Variants in CFAP53 observed in about 807,000 individuals in gnomAD.
The protein encoded by CFAP53 is cilia and flagella associated protein 53.
CFAP53 carries 62 observed loss-of-function variants against 59.7 expected under a neutral mutation model. The ratio of observed to expected loss-of-function variants is 1.04; its 90% CI spans 0.85 to 1.28. CFAP53 has a LOEUF of 1.28. Among genes scored for constraint, CFAP53 ranks in the 50% most tolerant of loss-of-function variants. CFAP53 has a pLI of 0.00. For missense variants in CFAP53, 629 were observed against 615.6 expected (o/e 1.02, Z -0.23); for synonymous variants, 218 against 205.7 (o/e 1.06, Z -0.51).
intron 6 of CFAP53, among the ~76,000 whole-genome samples, chr18:50,239,943 A>G (rs2033672975): frequency 6.6e-6 from 1 of 152,248 alleles, no homozygotes; most frequent in South Asian, 2.1e-4. Flanking sequence ...TATAACATTT[A>G]TCACTTGTTA....
intron 7 of CFAP53, among the ~76,000 whole-genome samples, chr18:50,237,279 TA>T (rs2033642969): frequency 8.9e-6 from 1 of 112,838 alleles, no homozygotes; most frequent in Non-Finnish European, 1.7e-5. Context: ...CACTCCAGCC[TA>T]GGTGACAGAG....
In CFAP53 at chr18:50,262,053, A is replaced by C; in HGVS notation, c.236T>G (p.Val79Gly). The change falls in exon 2 of 8, where the codon GTG becomes GGG. Residue 79 changes from valine (V) to glycine (G), a missense_variant. Coordinates refer to ENST00000398545, the MANE Select transcript of CFAP53 (RefSeq NM_145020.5). ...HNDCKILDSLVRARIKDAVQG... is the reference protein window; with the variant it reads ...HNDCKILDSLGRARIKDAVQG... Reference sequence around the variant, plus strand: ...CACAGCATCCTTGATTCTTGCTCGCACAAGGCTGTCCAAAATCTTGCAGTC... The same window carrying C: ...CACAGCATCCTTGATTCTTGCTCGCCCAAGGCTGTCCAAAATCTTGCAGTC... The C allele has an allele frequency of 6.2e-7, 1 of 1,614,198 alleles. No homozygotes were observed. The highest frequency in any genetic ancestry group is 8.5e-7 in the Non-Finnish European group (1 of 1,180,024).
rs1452228417 is a variant in CFAP53, at chr18:50,236,006, C to CAA, written c.1316+2596_1316+2597insTT. On this transcript the variant is annotated intron_variant, in intron 7 of 7. Coordinates refer to ENST00000398545, the MANE Select transcript of CFAP53 (RefSeq NM_145020.5). ...TCAGGCTGGTGGAACCAGGATAAAG[C>CAA]AGAGATAAAGCAGTAAGCTATAGGT... 1.6e-4 allele frequency among the ~76,000 whole-genome samples: 24 copies of CAA among 152,262 alleles called. No homozygotes were observed. The East Asian group carries it at 4.0e-3, about 26-fold the overall frequency.
intron 5 of CFAP53, among the ~76,000 whole-genome samples, chr18:50,249,336 A>G (rs1476892129): frequency 6.6e-6 from 1 of 151,900 alleles, no homozygotes; most frequent in Admixed American, 6.6e-5. Context: ...TGGGCAGCAT[A>G]GTGAGACCCC....
intron 1 of CFAP53, among the ~76,000 whole-genome samples, chr18:50,265,445 T>A (rs565345894): frequency 3.7e-4 from 56 of 152,140 alleles, no homozygotes; most frequent in African/African-American, 1.3e-3. Context: ...AAAAAAAAAA[T>A]CTGAAATCCT....
At chr18:50,234,040 C>T (rs946052435) in intron 7 of CFAP53, among the ~76,000 whole-genome samples, 10 of 152,182 alleles carry the variant, frequency 6.6e-5, no homozygotes, top group African/African-American at 2.4e-4. Flanking sequence ...GTAAGGCTCA[C>T]CTCTGCATCA....
At chr18:50,248,968 C>T (rs1405824311) in intron 5 of CFAP53, among the ~76,000 whole-genome samples, 1 of 151,150 alleles carries the variant, frequency 6.6e-6, no homozygotes, top group Non-Finnish European at 1.5e-5. Flanking sequence ...ATTGGGAGGC[C>T]GAGGCAGGTT....
At chr18:50,246,352 A>G (rs1259743201) in intron 5 of CFAP53, among the ~76,000 whole-genome samples, 1 of 152,238 alleles carries the variant, frequency 6.6e-6, no homozygotes, top group East Asian at 1.9e-4. Flanking sequence ...GACAAGGGTG[A>G]TAAGACAATT....
chr18:50,250,236 AAG>A (rs1260861364), intron 5 of CFAP53, among the ~76,000 whole-genome samples: 1 of 92,198 alleles, frequency 1.1e-5, no homozygotes, highest in African/African-American at 4.0e-5. Context: ...AAAAAAAAAA[AAG>A]AGAGAGAGAG....
intron 3 of CFAP53, among the ~76,000 whole-genome samples, chr18:50,259,189 T>C (rs1424048178): frequency 6.6e-6 from 1 of 152,204 alleles, no homozygotes; most frequent in Admixed American, 6.5e-5. Context: ...AGCTAAGATT[T>C]GGAAGCAACC....
chr18:50,263,905 C>T (rs1027734133), intron 1 of CFAP53, among the ~76,000 whole-genome samples: 1 of 152,144 alleles, frequency 6.6e-6, no homozygotes, highest in Non-Finnish European at 1.5e-5. Context: ...GGGAAGGACC[C>T]AATCTCTTGA....
At chr18:50,258,363 C>T (rs529854968) in intron 3 of CFAP53, among the ~76,000 whole-genome samples, 1 of 152,114 alleles carries the variant, frequency 6.6e-6, no homozygotes, top group Non-Finnish European at 1.5e-5. Flanking sequence ...AAAAGACAGT[C>T]TCTTCAATAT....
rs1341852916 is a variant in CFAP53 at position 50,254,001 on chromosome 18, G to T, written c.474-2217C>A. On this transcript the variant is annotated intron_variant, in intron 3 of 7. Transcript: ENST00000398545. Reference sequence around the variant, plus strand: ...AAAGAAATTTCATAATGTACCAAAAGCACAATCCATAAAAGAAATATTGAC... The same window carrying T: ...AAAGAAATTTCATAATGTACCAAAATCACAATCCATAAAAGAAATATTGAC... Among the ~76,000 whole-genome samples the T allele has an allele frequency of 2.6e-5, 4 of 151,820 alleles. No individual in the cohort carries two copies. The East Asian group carries it at 5.8e-4, about 22-fold the overall frequency.
chr18:50,244,336 T>TGA (rs2033721855), intron 5 of CFAP53, among the ~76,000 whole-genome samples: 2 of 152,100 alleles, frequency 1.3e-5, no homozygotes, highest in Non-Finnish European at 2.9e-5. Flanking sequence ...ATCTGATGGT[T>TGA]TAAAGTGTGG....
chr18:50,240,441 G>C (rs1162431966), intron 6 of CFAP53, among the ~76,000 whole-genome samples: 1 of 152,174 alleles, frequency 6.6e-6, no homozygotes, highest in Admixed American at 6.5e-5. Flanking sequence ...ATCAGAATTA[G>C]TTTAGCCTGT....
intron 2 of CFAP53, among the ~76,000 whole-genome samples, chr18:50,261,447 T>G (rs1342039011): frequency 2.0e-5 from 3 of 152,124 alleles, no homozygotes; most frequent in Admixed American, 2.0e-4. Context: ...CAGGCTGGAG[T>G]GCAGTGTGAT....
At position 50,251,797 on chromosome 18, in the gene CFAP53, T is replaced by C; in HGVS notation, c.474-13A>G. 1 of 1,609,440 alleles carries C rather than the reference T, an allele frequency of 6.2e-7. No individual in the cohort carries two copies. The highest frequency in any genetic ancestry group is 1.7e-4 in the Middle Eastern group (1 of 6,046). ...CTCACAGCGTTCCCTGAAAGGAAAA[T>C]TTTAAAAAGACAAAACCCAGCCTTT... is the stretch of plus-strand genomic sequence containing the variant. On this transcript the variant is annotated splice_polypyrimidine_tract_variant and intron_variant, in intron 3 of 7. Coordinates refer to ENST00000398545, the MANE Select transcript of CFAP53 (RefSeq NM_145020.5).
Position 50,227,336 on chromosome 18 carries a change from A to T in CFAP53, c.*45T>A. 6.7e-7 allele frequency: 1 copy of T among 1,503,268 alleles called. No homozygotes were observed. Among genetic ancestry groups the T allele is most frequent in the Non-Finnish European group, 9.2e-7 (1 of 1,085,352 alleles). 93.1% of individuals were successfully genotyped at this position (1,503,268 alleles called of 1,614,324 possible). ...AGAAGCATACAAGCATACTGTAGTT[A>T]AAAATATTAAAAGACCAAGAAAAGA... On this transcript the variant is annotated 3_prime_UTR_variant, in exon 8 of 8. Transcript: ENST00000398545.
At chr18:50,246,568 A>AT (rs995324888) in intron 5 of CFAP53, among the ~76,000 whole-genome samples, 1 of 152,326 alleles carries the variant, frequency 6.6e-6, no homozygotes, top group Admixed American at 6.5e-5. Flanking sequence ...GTAGGTAACC[A>AT]TTTTTTAGAT....
Sources: gnomAD v4.1 joint callset for allele counts (sites outside exome capture counted in the v4.1 genomes callset) on GRCh38, gnomAD v4.1.1 for gene constraint, MANE v1.5 for transcripts, NCBI Gene and HGNC (gene_info 2026-07-23, HGNC 2026-07-21) for gene names.